The following NRG3 variants were observed in gnomAD, a reference collection of about 807,000 sequenced individuals.
NRG3 encodes the protein neuregulin 3.
Under a neutral mutation model 66.9 loss-of-function variants are expected in NRG3, and 31 were observed. That is an observed-to-expected ratio of 0.46 (90% CI 0.35 to 0.63). NRG3 has a LOEUF of 0.63. Among genes scored for constraint, NRG3 ranks in the 20% least tolerant of loss-of-function variants. NRG3 has a pLI of 0.00. For missense variants in NRG3, 910 were observed against 878.9 expected, an observed-to-expected ratio of 1.04 and a Z score of -0.45; for synonymous variants, 393 against 359.4, an observed-to-expected ratio of 1.09 and a Z score of -1.06.
At chr10:82,048,062 A>G (rs1472827101) in intron 1 of NRG3, among the ~76,000 whole-genome samples, 7 of 151,284 alleles carry the variant, frequency 4.6e-5, no homozygotes, top group Non-Finnish European at 8.9e-5. Flanking sequence ...TCCTGAATAT[A>G]TATGCACCCA....
chr10:82,858,814 G>A (rs1276498763), intron 3 of NRG3, among the ~76,000 whole-genome samples: 1 of 152,244 alleles, frequency 6.6e-6, no homozygotes, highest in Non-Finnish European at 1.5e-5. Context: ...CCATGACAAC[G>A]CAGCTGTTTT....
intron 2 of NRG3, among the ~76,000 whole-genome samples, chr10:82,534,553 C>A (rs1847631211): frequency 6.6e-6 from 1 of 152,126 alleles, no homozygotes; most frequent in Admixed American, 6.5e-5. Flanking sequence ...GTGTGAGCCA[C>A]TGGGCCCGGC....
rs191855488 is a variant in NRG3 at position 82,709,569 on chromosome 10, C to T, written c.954-29008C>T. Among the ~76,000 whole-genome samples, 8 of 152,034 alleles carry T rather than the reference C, an allele frequency of 5.3e-5. No homozygotes were observed. In the East Asian group the frequency reaches 7.8e-4, roughly 15 times the overall value. On this transcript the variant is annotated intron_variant, in intron 2 of 8. Coordinates refer to ENST00000372141, the MANE Select transcript of NRG3 (RefSeq NM_001010848.4). ...GCTGATTTTTGTATGTTAGTAGAGA[C>T]GGGGTTTAACCATGTTGACCAGGAT... is the stretch of plus-strand genomic sequence containing the variant.
intron 2 of NRG3, among the ~76,000 whole-genome samples, chr10:82,590,233 T>G (rs2046903136): frequency 6.6e-6 from 1 of 152,150 alleles, no homozygotes; most frequent in Non-Finnish European, 1.5e-5. Flanking sequence ...TAGCAAAACT[T>G]AACGGTAATG....
rs551770469 is a variant in NRG3 at position 82,429,693 on chromosome 10, T to C, written c.953+70825T>C. 1.3e-3 allele frequency among the ~76,000 whole-genome samples: 205 copies of C among 152,312 alleles called. 1 individual carries two copies. The highest frequency in any genetic ancestry group is 4.8e-3 in the African/African-American group (199 of 41,590). ...ATTTTTAAATTTTCAGTTGAAATTC[T>C]TTAAATATTTTTTCCGCTATATTCT... On this transcript the variant is annotated intron_variant, in intron 2 of 8. Coordinates refer to ENST00000372141, the MANE Select transcript of NRG3 (RefSeq NM_001010848.4).
chr10:82,236,677 C>G (rs1220647720), intron 1 of NRG3, among the ~76,000 whole-genome samples: 1 of 151,484 alleles, frequency 6.6e-6, no homozygotes, highest in Non-Finnish European at 1.5e-5. Context: ...ATCCTGGCCT[C>G]CCTCTATCTC....
At chr10:82,575,216 A>T (rs1157144860) in intron 2 of NRG3, among the ~76,000 whole-genome samples, 1 of 151,792 alleles carries the variant, frequency 6.6e-6, no homozygotes, top group Non-Finnish European at 1.5e-5. Flanking sequence ...AGAAAACAAA[A>T]ACAAATCTGT....
chr10:82,340,088 T>C (rs1589770777), intron 1 of NRG3, among the ~76,000 whole-genome samples: 2 of 152,164 alleles, frequency 1.3e-5, no homozygotes, highest in East Asian at 3.8e-4. Flanking sequence ...TGACTTTGTT[T>C]GCACCGTGAT....
rs531531546 is a variant in NRG3 at position 81,942,684 on chromosome 10, C to T, written c.823+66521C>T. 2.0e-5 allele frequency among the ~76,000 whole-genome samples: 3 copies of T among 152,272 alleles called. No homozygotes were observed. The South Asian group carries it at 6.2e-4, about 32-fold the overall frequency. On this transcript the variant is annotated intron_variant, in intron 1 of 8. Coordinates refer to ENST00000372141, the MANE Select transcript of NRG3 (RefSeq NM_001010848.4). ...TTTCCTCAATTCACTGATCTAGCTG[C>T]AATTTCTCATGCAATTTCCAATTTT...
intron 2 of NRG3, among the ~76,000 whole-genome samples, chr10:82,715,286 C>T (rs906769604): frequency 1.3e-5 from 2 of 152,088 alleles, no homozygotes; most frequent in East Asian, 1.9e-4. Context: ...TAGTCCCAAC[C>T]GCTTTGGAGG....
chr10:82,749,176 T>C (rs1323379779), intron 3 of NRG3, among the ~76,000 whole-genome samples: 2 of 152,076 alleles, frequency 1.3e-5, no homozygotes, highest in Non-Finnish European at 2.9e-5. Context: ...GGGAAGGCTT[T>C]GCTGCAAGCC....
chr10:82,206,640 G>T (rs1470034646), intron 1 of NRG3, among the ~76,000 whole-genome samples: 1 of 152,166 alleles, frequency 6.6e-6, no homozygotes, highest in Non-Finnish European at 1.5e-5. Context: ...TGGGCTGGCT[G>T]TAATATTTGC....
At chr10:82,880,640 G>T (rs1564597650) in intron 4 of NRG3, among the ~76,000 whole-genome samples, 2 of 152,054 alleles carry the variant, frequency 1.3e-5, no homozygotes, top group African/African-American at 4.8e-5. Flanking sequence ...AGCACACTGG[G>T]CCAGGGCCAT....
intron 2 of NRG3, among the ~76,000 whole-genome samples, chr10:82,432,675 T>C (rs905052834): frequency 6.6e-6 from 1 of 152,114 alleles, no homozygotes; most frequent in African/African-American, 2.4e-5. Flanking sequence ...CCATGTGTTC[T>C]CAAGGTTCAA....
At chr10:81,936,353 A>T (rs1197073464) in intron 1 of NRG3, among the ~76,000 whole-genome samples, 6 of 152,168 alleles carry the variant, frequency 3.9e-5, no homozygotes, top group Non-Finnish European at 8.8e-5. Context: ...CAACAGTTGC[A>T]TAAGGGAAAC....
chr10:82,264,241 C>A lies in NRG3; in HGVS notation c.824-94498C>A, dbSNP rs138830220. 8.9e-3 allele frequency among the ~76,000 whole-genome samples: 1,348 copies of A among 152,240 alleles called. 9 individuals carry two copies. Among genetic ancestry groups the A allele is most frequent in the Non-Finnish European group, 0.015 (1,036 of 68,018 alleles). ...AAGAGGTTTAATGGACTCACAGTTC[C>A]ACATTGCTGGGGGGCCTCAGGAAAT... On this transcript the variant is annotated intron_variant, in intron 1 of 8. Transcript: ENST00000372141.
intron 1 of NRG3, among the ~76,000 whole-genome samples, chr10:82,245,669 G>A (rs949270015): frequency 6.6e-6 from 1 of 152,098 alleles, no homozygotes; most frequent in African/African-American, 2.4e-5. Context: ...AATAGTATAA[G>A]TACCTGACAT....
chr10:82,020,856 A>G (rs1178419226), intron 1 of NRG3, among the ~76,000 whole-genome samples: 1 of 152,118 alleles, frequency 6.6e-6, no homozygotes, highest in Non-Finnish European at 1.5e-5. Flanking sequence ...ATTTTGTAAT[A>G]TAGCTGGATC....
At chr10:82,619,092 C>A (rs984914583) in intron 2 of NRG3, among the ~76,000 whole-genome samples, 1 of 151,636 alleles carries the variant, frequency 6.6e-6, no homozygotes, top group African/African-American at 2.4e-5. Flanking sequence ...TCATGTTGGG[C>A]CAAAGTATTA....
Sources: gnomAD v4.1 joint callset for allele counts (sites outside exome capture counted in the v4.1 genomes callset) on GRCh38, gnomAD v4.1.1 for gene constraint, MANE v1.5 for transcripts, NCBI Gene and HGNC (gene_info 2026-07-23, HGNC 2026-07-21) for gene names.